SLC38A11: variants seen among roughly 807,000 people sequenced by gnomAD.
SLC38A11 encodes the protein putative sodium-coupled neutral amino acid transporter 11.
A neutral mutation model predicts 49.4 loss-of-function variants in SLC38A11; 51 were observed. That is an observed-to-expected ratio of 1.03 (90% CI 0.83 to 1.30). The LOEUF is 1.30. Ranked by LOEUF, SLC38A11 falls within the 50% of genes most tolerant of loss-of-function variation. The pLI is 0.00. For synonymous variants in SLC38A11, 203 were observed against 192.9 expected (o/e 1.05, Z -0.43); for missense variants, 574 against 556.2 (o/e 1.03, Z -0.32).
rs1206615145 is a variant in SLC38A11, at chr2:164,945,746, T to C, written c.230-19A>G. On this transcript the variant is annotated intron_variant, in intron 3 of 11. Coordinates refer to ENST00000685975, the MANE Select transcript of SLC38A11 (RefSeq NM_001351537.2). ...GAAAAGTCTGTGGCAAGAACATCAA[T>C]TAAATGTCAGATTACATGTAATACA... is the stretch of plus-strand genomic sequence containing the variant. 6.3e-7 allele frequency: 1 copy of C among 1,598,132 alleles called. No individual in the cohort carries two copies. The highest frequency in any genetic ancestry group is 1.8e-5 in the Admixed American group (1 of 54,754).
chr2:164,940,023 A>G (rs545124642), intron 5 of SLC38A11, among the ~76,000 whole-genome samples: 1 of 147,654 alleles, frequency 6.8e-6, no homozygotes, highest in East Asian at 2.0e-4. Flanking sequence ...TATACGCAAG[A>G]GACTTGGACA....
rs1684404194 is a variant in SLC38A11 at position 164,897,786 on chromosome 2, G to A, written c.*651C>T. ...GTTTGTTTTTCTGTTTTAGAATGGT[G>A]CTACCATTGTATTCCCACAGCATCA... On this transcript the variant is annotated 3_prime_UTR_variant, in exon 12 of 12. Coordinates refer to ENST00000685975, the MANE Select transcript of SLC38A11 (RefSeq NM_001351537.2). 1 of 152,096 alleles carries A rather than the reference G, an allele frequency of 6.6e-6. No homozygotes were observed. The highest frequency in any genetic ancestry group is 1.5e-5 in the Non-Finnish European group (1 of 68,124). 9.4% of individuals were successfully genotyped at this position (152,096 alleles called of 1,614,324 possible).
chr2:164,948,230 C>T (rs116566395), intron 3 of SLC38A11, among the ~76,000 whole-genome samples: 134 of 152,172 alleles, frequency 8.8e-4, no homozygotes, highest in African/African-American at 2.9e-3. Flanking sequence ...TGGGAACTAA[C>T]GCTATTTCTA....
chr2:164,939,284 G>T (rs749929719), intron 6 of SLC38A11, among the ~76,000 whole-genome samples, 166 bp downstream of exon 6: 1 of 151,744 alleles, frequency 6.6e-6, no homozygotes, highest in Admixed American at 6.6e-5. Context: ...TTTAATCATC[G>T]GTTCTCACAA....
chr2:164,901,627 T>C (rs1173946291), intron 11 of SLC38A11, among the ~76,000 whole-genome samples: 1 of 152,174 alleles, frequency 6.6e-6, no homozygotes, highest in Admixed American at 6.6e-5. Context: ...CTTTACTGAA[T>C]TAATTTATTA....
At chr2:164,913,156 T>C (rs948609829) in intron 9 of SLC38A11, among the ~76,000 whole-genome samples, 3 of 152,002 alleles carry the variant, frequency 2.0e-5, no homozygotes, top group Non-Finnish European at 4.4e-5. Context: ...TTACTTTAAG[T>C]GGCTCTCACC....
chr2:164,945,873 C>G (rs902418076), intron 3 of SLC38A11, 146 bp from the exon 4 acceptor site: 11 of 836,364 alleles, frequency 1.3e-5, no homozygotes, highest in Non-Finnish European at 1.8e-5. Flanking sequence ...GGCTAACTTT[C>G]TTTTCATAAA....
At chr2:164,929,842 C>T (rs1686867874) in intron 7 of SLC38A11, among the ~76,000 whole-genome samples, 1 of 151,954 alleles carries the variant, frequency 6.6e-6, no homozygotes. Flanking sequence ...AACAACCAAA[C>T]ATTACAAGTA....
At chr2:164,940,144 A>G (rs1687659031) in intron 5 of SLC38A11, among the ~76,000 whole-genome samples, 1 of 150,386 alleles carries the variant, frequency 6.6e-6, no homozygotes, top group East Asian at 1.9e-4. Context: ...AACATATTGG[A>G]TAGAGAAGAA....
intron 3 of SLC38A11, among the ~76,000 whole-genome samples, chr2:164,950,959 T>C (rs540500172): frequency 6.6e-6 from 1 of 152,164 alleles, no homozygotes; most frequent in South Asian, 2.1e-4. Context: ...TTCACTTTTA[T>C]GTGGTCATCC....
chr2:164,954,492 A>G (rs928605308), intron 2 of SLC38A11, 139 bp downstream of exon 2: 19 of 486,764 alleles, frequency 3.9e-5, no homozygotes, highest in Middle Eastern at 5.4e-4. Context: ...AAAAAAAGGA[A>G]GCCTTTTATG....
In SLC38A11 at chr2:164,955,414, G is replaced by A. The variant is rs1393647871; in HGVS notation, c.-167C>T. 8 of 628,082 alleles carry A rather than the reference G, an allele frequency of 1.3e-5. No homozygotes were observed. The highest frequency in any genetic ancestry group is 2.3e-5 in the Non-Finnish European group (8 of 354,928). 38.9% of individuals were successfully genotyped at this position (628,082 alleles called of 1,614,324 possible). A position where few individuals can be genotyped will look rare whatever the true frequency, so the allele number is the denominator to read the frequency against. ...CCCTGCTCCCTCGGCAGGCCGCGAG[G>A]GCTGCAGCCCCAAGATCTCTAGGCT... is the stretch of plus-strand genomic sequence containing the variant. On this transcript the variant is annotated 5_prime_UTR_variant, in exon 1 of 12. Coordinates refer to ENST00000685975, the MANE Select transcript of SLC38A11 (RefSeq NM_001351537.2).
intron 7 of SLC38A11, among the ~76,000 whole-genome samples, chr2:164,931,808 A>G (rs887994576): frequency 6.6e-6 from 1 of 152,178 alleles, no homozygotes; most frequent in African/African-American, 2.4e-5. Context: ...AAAACTCAAA[A>G]CTATAAAATG....
chr2:164,955,103 G>C, intron 1 of SLC38A11, 106 bp downstream of exon 1: 4 of 1,064,528 alleles, frequency 3.8e-6, no homozygotes, highest in Non-Finnish European at 5.5e-6. Flanking sequence ...AACTTTTCGC[G>C]GTGCTAAACC....
At chr2:164,899,392 A>G (rs1174181687) in intron 11 of SLC38A11, among the ~76,000 whole-genome samples, 1 of 152,084 alleles carries the variant, frequency 6.6e-6, no homozygotes, top group Non-Finnish European at 1.5e-5. Context: ...AATAAACCCA[A>G]CCTAAGGAGG....
At chr2:164,945,271 TA>T (rs1246319107) in intron 4 of SLC38A11, among the ~76,000 whole-genome samples, 7 of 149,076 alleles carry the variant, frequency 4.7e-5, no homozygotes, top group African/African-American at 1.0e-4. Context: ...TTTTTTTTTT[TA>T]AAGTATTAAG....
chr2:164,906,426 T>G (rs925648726), intron 11 of SLC38A11, among the ~76,000 whole-genome samples: 1 of 152,166 alleles, frequency 6.6e-6, no homozygotes, highest in Non-Finnish European at 1.5e-5. Flanking sequence ...CAATCACCCA[T>G]GCAATAATTT....
chr2:164,941,812 G>A (rs192741033), intron 5 of SLC38A11, among the ~76,000 whole-genome samples: 99 of 152,064 alleles, frequency 6.5e-4, no homozygotes, highest in African/African-American at 2.0e-3. Flanking sequence ...ATATATTTAC[G>A]TTTTGATATG....
At chr2:164,900,764 C>T (rs190944146) in intron 11 of SLC38A11, among the ~76,000 whole-genome samples, 167 of 151,944 alleles carry the variant, frequency 1.1e-3, no homozygotes, top group African/African-American at 3.6e-3. Flanking sequence ...CTTTTCTTCC[C>T]GCCCTGCACC....
Sources: gnomAD v4.1 joint callset for allele counts (sites outside exome capture counted in the v4.1 genomes callset) on GRCh38, gnomAD v4.1.1 for gene constraint, MANE v1.5 for transcripts, NCBI Gene and HGNC (gene_info 2026-07-23, HGNC 2026-07-21) for gene names.